DYNLL1: variants seen among roughly 807,000 people sequenced by gnomAD.
DYNLL1 encodes the protein dynein light chain LC8-type 1.
DYNLL1 carries 3 observed loss-of-function variants against 10.1 expected under a neutral mutation model. The observed-to-expected ratio is 0.30, with a 90% CI of 0.14 to 0.77. The LOEUF is 0.77. Among genes scored for constraint, DYNLL1 ranks in the 30% least tolerant of loss-of-function variants. The probability of loss-of-function intolerance (pLI) is 0.66; values close to 1 mark genes in which losing one functional copy is unlikely to be tolerated. For missense variants in DYNLL1, 47 were observed against 111.7 expected, an observed-to-expected ratio of 0.42 and a Z score of 2.61; for synonymous variants, 46 against 41.2, an observed-to-expected ratio of 1.12 and a Z score of -0.45.
intron 1 of DYNLL1, chr12:120,470,183 T>G: frequency 6.6e-6 from 1 of 152,576 alleles, no homozygotes. Flanking sequence ...ATGGACTCCA[T>G]AGCTTGGCCT....
At chr12:120,481,107 T>C (rs992012228) in intron 1 of DYNLL1, among the ~76,000 whole-genome samples, 1 of 152,188 alleles carries the variant, frequency 6.6e-6, no homozygotes, top group African/African-American at 2.4e-5. Flanking sequence ...ATGATTCTTA[T>C]ATTTATTGAA....
At chr12:120,497,951 T>G in intron 2 of DYNLL1, 122 bp from the exon 3 acceptor site, 1 of 954,448 alleles carries the variant, frequency 1.0e-6, no homozygotes, top group Non-Finnish European at 1.5e-6. Context: ...CATTCTTTCA[T>G]TCTAAGAATT....
chr12:120,494,599 A>C (rs1490691882), upstream of DYNLL1, among the ~76,000 whole-genome samples: 1 of 151,766 alleles, frequency 6.6e-6, no homozygotes, highest in Non-Finnish European at 1.5e-5. Flanking sequence ...TTCTTTCTGG[A>C]GTTGTGTGCC....
intron 1 of DYNLL1, among the ~76,000 whole-genome samples, chr12:120,470,976 C>A (rs977560868): frequency 2.0e-5 from 3 of 151,954 alleles, no homozygotes; most frequent in Non-Finnish European, 4.4e-5. Flanking sequence ...GCCCGGGAGG[C>A]GAAGGTTGCA....
At chr12:120,492,123 G>A (rs1416198605), upstream of DYNLL1, 1 of 152,140 alleles carries the variant, frequency 6.6e-6, no homozygotes, top group Non-Finnish European at 1.5e-5. This position sits in a 1 kb window ranked among gnomAD's most constrained non-coding sequence, Gnocchi z 4.1. Flanking sequence ...GTATAATAAA[G>A]AGACGAACAG....
rs111319827 is a variant in DYNLL1, at chr12:120,484,283, A to G, written c.-6-12133A>G. ...CCCAGTGCCAGGGAGATGGCCTTAG[A>G]TAGGAGCATGAACAGTTCATACAGG... is the stretch of plus-strand genomic sequence containing the variant. On this transcript the variant is annotated intron_variant, in intron 1 of 2. Coordinates refer to the DYNLL1 transcript ENST00000392509. Among the ~76,000 whole-genome samples the G allele has an allele frequency of 1.0e-3, 142 of 141,878 alleles. 1 individual carries two copies. The South Asian group carries it at 0.017, about 17-fold the overall frequency. The allele number at this position is 141,878 out of a possible 152,430, so 93.1% of individuals were successfully genotyped here. A position where few individuals can be genotyped will look rare whatever the true frequency, so the allele number is the denominator to read the frequency against.
chr12:120,484,019 T>C lies in DYNLL1; in HGVS notation c.-6-12397T>C, dbSNP rs111724842. Among the ~76,000 whole-genome samples the C allele has an allele frequency of 3.7e-3, 567 of 152,044 alleles. 8 individuals carry two copies. Among genetic ancestry groups the C allele is most frequent in the African/African-American group, 0.012 (516 of 41,462 alleles). ...CGGTGACCACCACATTTGAGCTGTG[T>C]GGGTGCAGTGGATTAAAGAGAGAAT... On this transcript the variant is annotated intron_variant, in intron 1 of 2. Coordinates refer to the DYNLL1 transcript ENST00000392509.
intron 1 of DYNLL1, among the ~76,000 whole-genome samples, chr12:120,479,471 T>TAAA (rs1315844047): frequency 5.6e-5 from 5 of 89,588 alleles, no homozygotes; most frequent in South Asian, 3.4e-4. Context: ...AAAAAAAAAA[T>TAAA]AATAATAATA....
chr12:120,477,885 C>T (rs1878791424), intron 1 of DYNLL1, among the ~76,000 whole-genome samples: 1 of 152,028 alleles, frequency 6.6e-6, no homozygotes. Context: ...CAGCCTCCGC[C>T]TCCTGGGTTC....
chr12:120,470,660 C>T (rs949053556), intron 1 of DYNLL1, among the ~76,000 whole-genome samples: 13 of 152,244 alleles, frequency 8.5e-5, no homozygotes, highest in Admixed American at 8.5e-4. Context: ...TGGTCTCGAA[C>T]TCCTGGGCTC....
chr12:120,480,871 T>C (rs1053212945), intron 1 of DYNLL1, among the ~76,000 whole-genome samples: 1 of 151,444 alleles, frequency 6.6e-6, no homozygotes, highest in Non-Finnish European at 1.5e-5. Context: ...GTCATTCTCC[T>C]GCCTCAGCCT....
chr12:120,497,307 C>T (rs1868478304), intron 2 of DYNLL1: 1 of 153,128 alleles, frequency 6.5e-6, no homozygotes, highest in African/African-American at 2.4e-5. Context: ...CCGTTGCCAC[C>T]CAATGCCCCC....
intron 2 of DYNLL1, chr12:120,496,860 C>T: frequency 1.9e-6 from 1 of 536,406 alleles, no homozygotes. Context: ...GCCGAGGATC[C>T]ATCTGGGTGT....
At chr12:120,491,397 ACCT>A (rs1397138689), upstream of DYNLL1, 8 of 152,608 alleles carry the variant, frequency 5.2e-5, no homozygotes, top group African/African-American at 1.9e-4. Flanking sequence ...CCGGATTCAG[ACCT>A]AGGCCTTGCA....
chr12:120,497,824 CCT>C (rs2137072853), intron 2 of DYNLL1: 2 of 474,092 alleles, frequency 4.2e-6, no homozygotes, highest in Non-Finnish European at 7.5e-6. Flanking sequence ...AACAAAACAC[CCT>C]GTCTTTAGGG....
chr12:120,496,572 G>A lies in DYNLL1; in HGVS notation c.132+19G>A. 6.2e-7 allele frequency: 1 copy of A among 1,613,738 alleles called. No homozygotes were observed. The highest frequency in any genetic ancestry group is 8.5e-7 in the Non-Finnish European group (1 of 1,179,958). On this transcript the variant is annotated intron_variant, in intron 2 of 2. Coordinates refer to ENST00000242577, the MANE Select transcript of DYNLL1 (RefSeq NM_003746.3). The stretch of plus-strand genomic sequence containing the variant: ...CAAGAAGGTGAGGATGGGCGCGGGG[G>A]CCGATACGCAGCCGGGAGCAGGGGG...
At chr12:120,479,460 A>AAAT (rs1555221131) in intron 1 of DYNLL1, among the ~76,000 whole-genome samples, 2,756 of 133,044 alleles carry the variant, frequency 0.021, 90 homozygotes, top group African/African-American at 0.075. Flanking sequence ...AAAAAAAAAA[A>AAAT]AAAAAAAAAA....
chr12:120,473,692 CAA>C (rs1227211097), intron 1 of DYNLL1, among the ~76,000 whole-genome samples: 3,179 of 75,352 alleles, frequency 0.042, 105 homozygotes, highest in African/African-American at 0.14. Context: ...GACTCTGTCT[CAA>C]AAAAAAAAAA....
intron 1 of DYNLL1, among the ~76,000 whole-genome samples, chr12:120,484,188 C>A (rs1218230464): frequency 1.3e-5 from 2 of 151,864 alleles, no homozygotes; most frequent in Non-Finnish European, 2.9e-5. Context: ...TGGGAATAAT[C>A]CAGTAGACAG....
Sources: gnomAD v4.1 joint callset for allele counts (sites outside exome capture counted in the v4.1 genomes callset) on GRCh38, gnomAD v4.1.1 for gene constraint, Gnocchi (gnomAD v3.1) non-coding constraint, MANE v1.5 for transcripts, NCBI Gene and HGNC (gene_info 2026-07-23, HGNC 2026-07-21) for gene names.